SYT12: variants seen among roughly 807,000 people sequenced by gnomAD.
SYT12 encodes synaptotagmin-12.
SYT12 carries 27 observed loss-of-function variants against 39.5 expected under a neutral mutation model. The ratio of observed to expected loss-of-function variants is 0.68; its 90% CI spans 0.50 to 0.94. The LOEUF (loss-of-function observed/expected upper bound fraction) is 0.94. SYT12 is among the 40% of genes least tolerant of loss of function. The pLI is 0.00. For synonymous variants in SYT12, 233 were observed against 239.7 expected (o/e 0.97, Z 0.26); for missense variants, 536 against 572.6 (o/e 0.94, Z 0.65).
intron 6 of SYT12, 88 bp from the exon 7 acceptor site, chr11:67,045,656 G>A (rs917150743): frequency 1.3e-6 from 2 of 1,533,926 alleles, no homozygotes; most frequent in Middle Eastern, 3.4e-4. Flanking sequence ...AAGCATTGGG[G>A]AGTTTGGAGT....
intron 3 of SYT12, 108 bp downstream of exon 3, chr11:67,034,946 T>A: frequency 1.2e-6 from 1 of 811,764 alleles, no homozygotes; most frequent in Non-Finnish European, 1.8e-6. Context: ...TCCTCCTGGT[T>A]AATGTCCTCC....
At chr11:67,021,196 G>A (rs1381270660), upstream of SYT12, among the ~76,000 whole-genome samples, 4 of 152,130 alleles carry the variant, frequency 2.6e-5, no homozygotes, top group Non-Finnish European at 2.9e-5. Flanking sequence ...TGGTGCACCC[G>A]TGTACGCTTT....
chr11:67,019,137 C>CAA (rs61341941), upstream of SYT12, among the ~76,000 whole-genome samples: 148,528 of 152,256 alleles, frequency 0.98, 72,554 homozygotes, highest in East Asian at 1. Flanking sequence ...TGGTGGCAGA[C>CAA]GAGAGAAAAT....
In SYT12 at chr11:67,048,863, T is replaced by G. The variant is rs910194116; in HGVS notation, c.*106T>G. The G allele has an allele frequency of 1.5e-6, 2 of 1,349,482 alleles. No homozygotes were observed. The highest frequency in any genetic ancestry group is 2.9e-5 in the African/African-American group (2 of 69,700). The allele number at this position is 1,349,482 out of a possible 1,614,324, so 83.6% of individuals were successfully genotyped here. ...CCAGCTGGAGCCGTGAACACTGGGGTCCCCTGGCAGAGTCCTCATGACCCA... is the reference window on the plus strand; with the variant it reads ...CCAGCTGGAGCCGTGAACACTGGGGGCCCCTGGCAGAGTCCTCATGACCCA... On this transcript the variant is annotated 3_prime_UTR_variant, in exon 8 of 8. Coordinates refer to ENST00000527043, the MANE Select transcript of SYT12 (RefSeq NM_177963.4).
chr11:67,011,984 C>CA (rs1156738784), intron 3 of SYT12, among the ~76,000 whole-genome samples: 1 of 150,544 alleles, frequency 6.6e-6, no homozygotes, highest in Non-Finnish European at 1.5e-5. Flanking sequence ...AGACTGGTCT[C>CA]AAACTCCTGA....
intron 3 of SYT12, among the ~76,000 whole-genome samples, chr11:67,038,175 A>ATTTATT (rs1950422104): frequency 6.7e-6 from 1 of 149,428 alleles, no homozygotes; most frequent in Non-Finnish European, 1.5e-5. Flanking sequence ...TTATTTATTT[A>ATTTATT]TTTATTTTTG....
At chr11:67,025,800 G>A (rs1157550673) in intron 1 of SYT12, among the ~76,000 whole-genome samples, 2 of 152,072 alleles carry the variant, frequency 1.3e-5, no homozygotes, top group African/African-American at 2.4e-5. Flanking sequence ...CTCCTCCTCC[G>A]TGGAGGAGGG....
intron 1 of SYT12, chr11:67,027,389 A>G (rs993083304): frequency 6.6e-6 from 1 of 151,642 alleles, no homozygotes; most frequent in African/African-American, 2.4e-5. Flanking sequence ...AATCCCAGCT[A>G]CTTGGGAGGC....
At chr11:67,048,534 G>C in intron 7 of SYT12, 50 bp from the exon 8 acceptor site, 1 of 1,569,604 alleles carries the variant, frequency 6.4e-7, no homozygotes, top group South Asian at 1.1e-5. Flanking sequence ...AGGCCAAGAA[G>C]TACCTCTGAC....
At chr11:67,040,253 G>A in intron 4 of SYT12, 50 bp downstream of exon 4, 1 of 1,525,090 alleles carries the variant, frequency 6.6e-7, no homozygotes, top group South Asian at 1.3e-5. Flanking sequence ...CTCACTAGAT[G>A]CCTCCCAGGC....
intron 3 of SYT12, among the ~76,000 whole-genome samples, chr11:67,015,628 G>C (rs1298805255): frequency 6.6e-6 from 1 of 152,214 alleles, no homozygotes; most frequent in Non-Finnish European, 1.5e-5. Flanking sequence ...CCTGGACGTG[G>C]ATTCCTCCTT....
At chr11:67,035,837 C>CCTTTCTTTCTTTCTTTCTTT (rs1157424282) in intron 3 of SYT12, among the ~76,000 whole-genome samples, 38 of 111,142 alleles carry the variant, frequency 3.4e-4, no homozygotes, top group African/African-American at 6.5e-4. Context: ...TTCCTTCCTT[C>CCTTTCTTTCTTTCTTTCTTT]CTTTCTTTCT....
chr11:67,025,911 A>G (rs1358388757), intron 1 of SYT12, among the ~76,000 whole-genome samples: 1 of 152,030 alleles, frequency 6.6e-6, no homozygotes, highest in Non-Finnish European at 1.5e-5. Context: ...GGCTACAGGA[A>G]TGACTGCCAG....
intron 3 of SYT12, among the ~76,000 whole-genome samples, chr11:67,011,417 A>G (rs1950012294): frequency 1.3e-5 from 2 of 151,884 alleles, no homozygotes; most frequent in African/African-American, 4.8e-5. Context: ...TAATTTTTGT[A>G]TTTTTAGTAG....
chr11:67,026,306 C>T (rs1280616172), intron 1 of SYT12, among the ~76,000 whole-genome samples: 10 of 151,836 alleles, frequency 6.6e-5, no homozygotes, highest in African/African-American at 2.2e-4. Context: ...GAGTTTTGCT[C>T]TTGTTGCCCA....
intron 1 of SYT12, among the ~76,000 whole-genome samples, chr11:67,023,802 C>T (rs1950144526): frequency 6.6e-6 from 1 of 152,244 alleles, no homozygotes. Flanking sequence ...ACTGTCCCTG[C>T]TCTGGCTTCG....
At chr11:67,021,198 G>A (rs917089855), upstream of SYT12, among the ~76,000 whole-genome samples, 4 of 152,128 alleles carry the variant, frequency 2.6e-5, no homozygotes, top group African/African-American at 9.7e-5. Context: ...GTGCACCCGT[G>A]TACGCTTTTC....
At chr11:67,043,964 C>T (rs977048806) in intron 5 of SYT12, 111 bp downstream of exon 5, 2 of 1,045,652 alleles carry the variant, frequency 1.9e-6, no homozygotes, top group African/African-American at 3.2e-5. Flanking sequence ...GCCCCATCAT[C>T]ATTAGGAGAG....
chr11:67,043,510 T>C (rs1393741980), intron 4 of SYT12, 128 bp from the exon 5 acceptor site: 13 of 837,636 alleles, frequency 1.6e-5, no homozygotes. Flanking sequence ...AAGGAAAGAT[T>C]GGCATTGAGG....
Sources: gnomAD v4.1 joint callset for allele counts (sites outside exome capture counted in the v4.1 genomes callset) on GRCh38, gnomAD v4.1.1 for gene constraint, MANE v1.5 for transcripts, NCBI Gene and HGNC (gene_info 2026-07-23, HGNC 2026-07-21) for gene names.